The following TRMT44 variants were observed in gnomAD, a reference collection of about 807,000 sequenced individuals.
TRMT44 encodes probable tRNA (uracil-O(2)-)-methyltransferase.
Under a neutral mutation model 77.3 loss-of-function variants are expected in TRMT44, and 78 were observed. That is an observed-to-expected ratio of 1.01 (90% CI 0.84 to 1.22). The LOEUF (loss-of-function observed/expected upper bound fraction) is 1.22. TRMT44 is among the 50% of genes most tolerant of loss of function. The pLI, the probability that TRMT44 is intolerant of heterozygous loss-of-function variation, is 0.00. For synonymous variants in TRMT44, 391 were observed against 383.3 expected, an observed-to-expected ratio of 1.02 and a Z score of -0.23; for missense variants, 1,090 against 964.4, an observed-to-expected ratio of 1.13 and a Z score of -1.73.
chr4:8,454,975 A>G (rs1233964516), intron 6 of TRMT44, 162 bp downstream of exon 6: 2 of 677,390 alleles, frequency 3.0e-6, no homozygotes, highest in South Asian at 1.9e-5. Context: ...AAAAAGAGAC[A>G]TGAAACTAGA....
At chr4:8,490,359 T>C (rs1384089763) in intron 2 of TRMT44, among the ~76,000 whole-genome samples, 1 of 151,840 alleles carries the variant, frequency 6.6e-6, no homozygotes, top group African/African-American at 2.4e-5. Context: ...TTCCTTCTGA[T>C]GCTCAGATGT....
At position 8,471,129 on chromosome 4, in the gene TRMT44, C is replaced by T. The variant is rs769717448; in HGVS notation, c.1973C>T (p.Thr658Ile). The T allele has an allele frequency of 4.4e-6, 7 of 1,608,816 alleles. No individual in the cohort carries two copies. The highest frequency in any genetic ancestry group is 3.4e-5 in the Admixed American group (2 of 59,502). ...AEVANELDTE[T>I]LRRLKRECGG... Reference sequence around the variant, plus strand: ...GTAGCCAACGAGCTGGACACGGAGACCCTGCGGAGGCTGAAGCGGGAGTGT... The same window carrying T: ...GTAGCCAACGAGCTGGACACGGAGATCCTGCGGAGGCTGAAGCGGGAGTGT... The change falls in exon 10 of 11, where the codon ACC (threonine) becomes ATC (isoleucine). Residue 658 changes from threonine (T) to isoleucine (I), a missense_variant. Transcript: ENST00000389737.
chr4:8,454,609 A>G (rs1024631395), intron 5 of TRMT44, 133 bp from the exon 6 acceptor site: 23 of 757,074 alleles, frequency 3.0e-5, no homozygotes, highest in Non-Finnish European at 5.1e-5. Flanking sequence ...CAGGATGGGT[A>G]TGAGTTGCTG....
In TRMT44 at chr4:8,464,144, A is replaced by G. The variant is rs1332854062; in HGVS notation, c.1310+53A>G. 23 of 1,490,310 alleles carry G rather than the reference A, an allele frequency of 1.5e-5. No homozygotes were observed. The Middle Eastern group carries it at 5.1e-4, about 33-fold the overall frequency. 92.3% of individuals were successfully genotyped at this position (1,490,310 alleles called of 1,614,324 possible). On this transcript the variant is annotated intron_variant, in intron 7 of 10. Transcript: ENST00000389737. ...ATGGCTGGGGAATGCTTCATCTTCT[A>G]AACAGTGGTGTCCAAAAGGGTAGCC...
chr4:8,488,629 T>C (rs1324978875), intron 2 of TRMT44, among the ~76,000 whole-genome samples: 3 of 152,236 alleles, frequency 2.0e-5, no homozygotes, highest in African/African-American at 7.2e-5. Context: ...TTGTGATTCT[T>C]CAGTTACTTC....
In TRMT44 at chr4:8,444,055, G is replaced by T. The variant is rs1314861513; in HGVS notation, c.620-2421G>T. Among the ~76,000 whole-genome samples the T allele has an allele frequency of 6.6e-6, 1 of 152,078 alleles. No homozygotes were observed. The highest frequency in any genetic ancestry group is 1.5e-5 in the Non-Finnish European group (1 of 68,004). ...TAAGAACTTGACTTCTTTAGTTAAA[G>T]AACAGAATTCAGTTTGAGGCTATGT... On this transcript the variant is annotated intron_variant, in intron 1 of 10. Transcript: ENST00000389737. The surrounding 1 kb of genome is among the most constrained non-coding windows in gnomAD (Gnocchi z 4.0).
chr4:8,441,253 C>G lies in TRMT44; in HGVS notation c.431C>G (p.Ser144Trp). Reference sequence around the variant, plus strand: ...GACTTCCCCGCCGCAGATCTGGATTCGCTTTGGGAGGATTTCTCCCAAAGT... The same window carrying G: ...GACTTCCCCGCCGCAGATCTGGATTGGCTTTGGGAGGATTTCTCCCAAAGT... The part of the protein sequence containing the change: ...EGDFPAADLD[S>W]LWEDFSQSLA... Residue 144 changes from serine (S) to tryptophan (W), a missense_variant, in exon 1 of 11, where the codon TCG becomes TGG. Transcript: ENST00000389737. 1 of 1,535,564 alleles carries G rather than the reference C, an allele frequency of 6.5e-7. No individual in the cohort carries two copies. Among genetic ancestry groups the G allele is most frequent in the Non-Finnish European group, 8.7e-7 (1 of 1,146,630 alleles).
chr4:8,448,792 C>T (rs887429313), intron 2 of TRMT44, among the ~76,000 whole-genome samples: 8 of 152,246 alleles, frequency 5.3e-5, no homozygotes, highest in South Asian at 2.1e-4. Flanking sequence ...TCTCACCAGA[C>T]GGACCACTTG....
the TRMT44 span, among the ~76,000 whole-genome samples, chr4:8,512,835 C>T: frequency 1.3e-5 from 2 of 152,164 alleles, no homozygotes; most frequent in South Asian, 2.1e-4. Flanking sequence ...TTATTACTGC[C>T]TATTTTATTG....
rs750214601 is a variant in TRMT44 at position 8,465,368 on chromosome 4, C to G, written c.1311-10C>G. 2.7e-5 allele frequency: 44 copies of G among 1,601,876 alleles called. No individual in the cohort carries two copies. Among genetic ancestry groups the G allele is most frequent in the Non-Finnish European group, 3.5e-5 (41 of 1,174,258 alleles). On this transcript the variant is annotated splice_polypyrimidine_tract_variant and intron_variant, in intron 7 of 10. Coordinates refer to ENST00000389737, the MANE Select transcript of TRMT44 (RefSeq NM_152544.3). The stretch of plus-strand genomic sequence containing the variant: ...ATGCTTGACCCTGTGGTTGTTGGTT[C>G]TTTTTGAAGGTCTTCCTACAATTGC...
At chr4:8,504,533 G>A in the TRMT44 span, among the ~76,000 whole-genome samples, 9 of 152,116 alleles carry the variant, frequency 5.9e-5, no homozygotes, top group African/African-American at 1.9e-4. The surrounding 1 kb of genome is among the most constrained non-coding windows in gnomAD (Gnocchi z 5.3). Context: ...TTCCTTGGGT[G>A]TGGACCTGTG....
At position 8,452,959 on chromosome 4, in the gene TRMT44, C is replaced by A. The variant is rs779858859; in HGVS notation, c.1101C>A (p.Gly367=). ...TTGTGGACCTGGGATGTGGAAATGG[C>A]CTCCTGGTCCACATCCTGAGCAGTG... is the stretch of plus-strand genomic sequence containing the variant. ...QSFVDLGCGN[G]LLVHILSSEG... The change falls in exon 5 of 11, where the codon GGC becomes GGA. Residue 367 remains glycine, a synonymous_variant. Transcript: ENST00000389737. This position sits in a 1 kb window ranked among gnomAD's most constrained non-coding sequence, Gnocchi z 5.7. 6.5e-7 allele frequency: 1 copy of A among 1,531,688 alleles called. No individual in the cohort carries two copies. The highest frequency in any genetic ancestry group is 8.7e-7 in the Non-Finnish European group (1 of 1,144,742). The allele number at this position is 1,531,688 out of a possible 1,614,324, so 94.9% of individuals were successfully genotyped here. A position where few individuals can be genotyped will look rare whatever the true frequency, so the allele number is the denominator to read the frequency against.
intron 10 of TRMT44, among the ~76,000 whole-genome samples, chr4:8,472,477 C>G (rs1265644524): frequency 6.6e-6 from 1 of 152,228 alleles, no homozygotes; most frequent in African/African-American, 2.4e-5. Flanking sequence ...CCGTGGGGAT[C>G]AGGTGCAGTA....
At chr4:8,488,521 CA>C (rs1439737805) in intron 2 of TRMT44, among the ~76,000 whole-genome samples, 4 of 152,206 alleles carry the variant, frequency 2.6e-5, no homozygotes, top group Admixed American at 6.5e-5. Flanking sequence ...AGGACTTTCA[CA>C]AGGTAATGTC....
the TRMT44 span, chr4:8,509,795 C>T: frequency 2.2e-4 from 33 of 152,502 alleles, no homozygotes; most frequent in African/African-American, 6.7e-4. Flanking sequence ...AGGACACAGC[C>T]GGGGGTGAGC....
At position 8,468,021 on chromosome 4, in the gene TRMT44, A is replaced by G. The variant is rs754798760; in HGVS notation, c.1602A>G (p.Pro534=). ...GCAGGCGGGGCTGCCCTGTAAGCCC[A>G]CCTGGCTGGGAGCTTTCCCCTTCTC... is the stretch of plus-strand genomic sequence containing the variant. The part of the protein sequence containing the change: ...IKSRRGCPVS[P]PGWELSPSPR... The change falls in exon 9 of 11, where the codon CCA becomes CCG. Residue 534 remains proline (P), a synonymous_variant. Transcript: ENST00000389737. 2.8e-5 allele frequency: 45 copies of G among 1,614,012 alleles called. 1 individual carries two copies. The South Asian group carries it at 4.8e-4, about 17-fold the overall frequency.
In TRMT44 at chr4:8,492,191, C is replaced by G. The variant is rs189407552; in HGVS notation, n.3892-1075C>G. On this transcript the variant is annotated intron_variant and non_coding_transcript_variant, in intron 2 of 2. Transcript: ENST00000511366. ...CCATAATCAAGCTTCCAAAACTCTT[C>G]AGCTGCCTTCACATCAGCACCCACA... 1.4e-3 allele frequency among the ~76,000 whole-genome samples: 216 copies of G among 152,292 alleles called. 2 individuals carry two copies. The highest frequency in any genetic ancestry group is 1.6e-4 in the Non-Finnish European group (11 of 68,030).
At chr4:8,459,478 G>A (rs1169296549) in intron 6 of TRMT44, among the ~76,000 whole-genome samples, 1 of 152,192 alleles carries the variant, frequency 6.6e-6, no homozygotes, top group African/African-American at 2.4e-5. Context: ...ACGGCAAGCG[G>A]TGAAGGCAGA....
chr4:8,485,274 G>C (rs1727768266), intron 2 of TRMT44, among the ~76,000 whole-genome samples: 1 of 152,174 alleles, frequency 6.6e-6, no homozygotes, highest in Non-Finnish European at 1.5e-5. Flanking sequence ...ATCAAGAACG[G>C]AATAGTGAGT....
Sources: gnomAD v4.1 joint callset for allele counts (sites outside exome capture counted in the v4.1 genomes callset) on GRCh38, gnomAD v4.1.1 for gene constraint, Gnocchi (gnomAD v3.1) non-coding constraint, MANE v1.5 for transcripts, NCBI Gene and HGNC (gene_info 2026-07-23, HGNC 2026-07-21) for gene names.